SORCS3: variants seen among roughly 807,000 people sequenced by gnomAD.
The protein encoded by SORCS3 is VPS10 domain-containing receptor SorCS3.
In SORCS3, 57 loss-of-function variants were observed where a neutral mutation model predicts 146.3. The ratio of observed to expected loss-of-function variants is 0.39; its 90% CI spans 0.31 to 0.49. The LOEUF (loss-of-function observed/expected upper bound fraction) is 0.49. SORCS3 is among the 20% of genes least tolerant of loss of function. The pLI is 0.92. For missense variants in SORCS3, 1,341 were observed against 1,575.5 expected, an observed-to-expected ratio of 0.85 and a Z score of 2.52; for synonymous variants, 653 against 618.5, an observed-to-expected ratio of 1.06 and a Z score of -0.83.
intron 4 of SORCS3, among the ~76,000 whole-genome samples, chr10:104,984,926 C>G (rs1220002715): frequency 6.6e-6 from 1 of 152,126 alleles, no homozygotes; most frequent in Non-Finnish European, 1.5e-5. Flanking sequence ...TCATCTGAGC[C>G]TTAAGCAAAT....
intron 3 of SORCS3, among the ~76,000 whole-genome samples, chr10:104,924,201 T>A (rs928105960): frequency 6.6e-6 from 1 of 152,152 alleles, no homozygotes; most frequent in Non-Finnish European, 1.5e-5. Flanking sequence ...CAGACCCTCA[T>A]TGAACAGAAG....
At chr10:105,101,672 C>T (rs1200649289) in intron 6 of SORCS3, among the ~76,000 whole-genome samples, 2 of 152,092 alleles carry the variant, frequency 1.3e-5, no homozygotes, top group Non-Finnish European at 2.9e-5. Context: ...TTCTGGTGGC[C>T]TCGAATACAC....
chr10:104,972,636 A>AAG (rs879781865), intron 3 of SORCS3, among the ~76,000 whole-genome samples: 17 of 150,172 alleles, frequency 1.1e-4, no homozygotes, highest in South Asian at 6.3e-4. Context: ...GAGAGAGAGA[A>AAG]AGAGAGAGAG....
At chr10:105,071,569 T>TG (rs2055556537) in intron 5 of SORCS3, among the ~76,000 whole-genome samples, 1 of 152,240 alleles carries the variant, frequency 6.6e-6, no homozygotes, top group African/African-American at 2.4e-5. Flanking sequence ...TATATATTTA[T>TG]GGGGCACGTG....
intron 14 of SORCS3, among the ~76,000 whole-genome samples, chr10:105,198,582 T>G (rs1589684383): frequency 6.6e-6 from 1 of 152,158 alleles, no homozygotes; most frequent in Non-Finnish European, 1.5e-5. Context: ...CATTGATGAA[T>G]TGGATTTGGA....
At chr10:104,803,639 C>G (rs963235836) in intron 1 of SORCS3, among the ~76,000 whole-genome samples, 1 of 152,144 alleles carries the variant, frequency 6.6e-6, no homozygotes, top group Non-Finnish European at 1.5e-5. Context: ...TCCCTTCTCC[C>G]TTATTGCCAC....
intron 4 of SORCS3, among the ~76,000 whole-genome samples, chr10:105,018,976 T>A (rs2055183894): frequency 6.6e-6 from 1 of 152,178 alleles, no homozygotes; most frequent in African/African-American, 2.4e-5. Context: ...GACTTCCCCC[T>A]CTTCCTTGTC....
chr10:105,129,335 T>C (rs928796044), intron 7 of SORCS3, among the ~76,000 whole-genome samples: 12,950 of 96,830 alleles, frequency 0.13, 842 homozygotes, highest in Middle Eastern at 0.18. Context: ...CTTTCTCTTT[T>C]TTTTTTTTTT....
At position 104,641,509 on chromosome 10, in the gene SORCS3, C is replaced by G; in HGVS notation, c.182C>G (p.Pro61Arg). The G allele has an allele frequency of 1.4e-6, 2 of 1,474,570 alleles. No individual in the cohort carries two copies. Among genetic ancestry groups the G allele is most frequent in the South Asian group, 2.6e-5 (2 of 77,416 alleles). 91.3% of individuals were successfully genotyped at this position (1,474,570 alleles called of 1,614,324 possible). ...CCACCGGCGTTGTCTCCACTCTCGC[C>G]GCGGGCAGTGGCCAGCCAGTGGCCG... ...SRPPALSPLS[P>R]RAVASQWPEE... Residue 61 changes from proline to arginine, a missense_variant, in exon 1 of 27, where the codon CCG becomes CGG. By Grantham distance (103) the Pro-to-Arg change is moderately radical. Transcript: ENST00000369701. The surrounding 1 kb of genome is among the most constrained non-coding windows in gnomAD (Gnocchi z 6.4).
intron 1 of SORCS3, among the ~76,000 whole-genome samples, chr10:104,799,094 T>G (rs1453293575): frequency 6.6e-6 from 1 of 152,204 alleles, no homozygotes; most frequent in Non-Finnish European, 1.5e-5. Context: ...TTTACACTGT[T>G]GGGAGTGTAA....
intron 4 of SORCS3, among the ~76,000 whole-genome samples, chr10:105,011,080 C>A (rs1022499762): frequency 6.6e-6 from 1 of 152,266 alleles, no homozygotes. Flanking sequence ...AGCCTGATGA[C>A]TTTGTATGAA....
At chr10:104,861,408 C>A (rs1334398846) in intron 2 of SORCS3, among the ~76,000 whole-genome samples, 1 of 152,148 alleles carries the variant, frequency 6.6e-6, no homozygotes, top group Non-Finnish European at 1.5e-5. Context: ...AGTGGACATC[C>A]TGAGTTAATA....
intron 4 of SORCS3, among the ~76,000 whole-genome samples, chr10:104,995,086 AG>A (rs1249384318): frequency 6.6e-6 from 1 of 151,496 alleles, no homozygotes; most frequent in Admixed American, 6.6e-5. Context: ...TTATATTCTT[AG>A]TAACACTTGG....
intron 1 of SORCS3, among the ~76,000 whole-genome samples, chr10:104,746,054 A>G (rs976525896): frequency 1.3e-5 from 2 of 152,046 alleles, no homozygotes; most frequent in Admixed American, 6.6e-5. Context: ...TTATGACCCA[A>G]TTTATTTTGA....
intron 23 of SORCS3, among the ~76,000 whole-genome samples, chr10:105,255,215 G>T (rs916603677): frequency 6.7e-6 from 1 of 149,788 alleles, no homozygotes; most frequent in Non-Finnish European, 1.5e-5. Context: ...AAAAAAAGTG[G>T]ATCTGCTTAA....
intron 4 of SORCS3, among the ~76,000 whole-genome samples, chr10:105,035,464 GT>G (rs58969291): frequency 0.28 from 39,091 of 141,024 alleles, 5,671 homozygotes; most frequent in African/African-American, 0.45. Context: ...TTCTCACCAA[GT>G]TTTTTTTTTT....
At position 104,919,367 on chromosome 10, in the gene SORCS3, A is replaced by ATT. The variant is rs34496681; in HGVS notation, c.795+3446_795+3447dup. Reference sequence around the variant, plus strand: ...AATAAGCAACAGGCCAATGGCATGGATTTTTTTTTTTTAGAAAATAGCAAT... The same window carrying ATT: ...AATAAGCAACAGGCCAATGGCATGGATTTTTTTTTTTTTTAGAAAATAGCAAT... On this transcript the variant is annotated intron_variant, in intron 3 of 26. Transcript: ENST00000369701. Among the ~76,000 whole-genome samples the ATT allele has an allele frequency of 7.1e-3, 1,048 of 148,574 alleles. 5 individuals carry two copies. Among genetic ancestry groups the ATT allele is most frequent in the Non-Finnish European group, 0.011 (738 of 66,840 alleles).
chr10:104,947,498 T>C (rs1198548494), intron 3 of SORCS3, among the ~76,000 whole-genome samples: 1 of 152,156 alleles, frequency 6.6e-6, no homozygotes, highest in Non-Finnish European at 1.5e-5. Flanking sequence ...GCGGGGTCCT[T>C]TCACGGGCTG....
chr10:104,728,933 A>G (rs192012947), intron 1 of SORCS3, among the ~76,000 whole-genome samples: 2 of 152,292 alleles, frequency 1.3e-5, no homozygotes, highest in Admixed American at 1.3e-4. Flanking sequence ...TCTTAATCTC[A>G]ACAATTACAT....
Sources: gnomAD v4.1 joint callset for allele counts (sites outside exome capture counted in the v4.1 genomes callset) on GRCh38, gnomAD v4.1.1 for gene constraint, Gnocchi (gnomAD v3.1) non-coding constraint, MANE v1.5 for transcripts, NCBI Gene and HGNC (gene_info 2026-07-23, HGNC 2026-07-21) for gene names.